Variants in EXOC3L4 observed in about 807,000 individuals in gnomAD.
EXOC3L4 encodes the protein exocyst complex component 3-like protein 4.
EXOC3L4 carries 62 observed loss-of-function variants against 69.7 expected under a neutral mutation model. The observed-to-expected ratio is 0.89, with a 90% CI of 0.72 to 1.10. EXOC3L4 has a LOEUF of 1.10. EXOC3L4 is among the 50% of genes least tolerant of loss of function. The pLI, the probability that EXOC3L4 is intolerant of heterozygous loss-of-function variation, is 0.00. For missense variants in EXOC3L4, 1,087 were observed against 1,034.8 expected (o/e 1.05, Z -0.69); for synonymous variants, 502 against 464.2 (o/e 1.08, Z -1.05).
Position 103,107,761 on chromosome 14 carries a change from TCAGCGAC to T in EXOC3L4, c.1833_1839del (p.Ser612ProfsTer75). On this transcript the variant is annotated frameshift_variant, in exon 10 of 12. Transcript: ENST00000688303. LOFTEE classifies it high-confidence loss of function. Reference sequence around the variant, plus strand: ...AAGATGAGCCTGGATGCCCAGGCCATCAGCGACACCTTCCAGGGCCTGGTAGGGGCGG... The same window carrying T: ...AAGATGAGCCTGGATGCCCAGGCCATACCTTCCAGGGCCTGGTAGGGGCGG... 6.5e-7 allele frequency: 1 copy of T among 1,535,258 alleles called. No individual in the cohort carries two copies. The highest frequency in any genetic ancestry group is 8.8e-7 in the Non-Finnish European group (1 of 1,135,634).
At position 103,097,802 on chromosome 14, in the gene EXOC3L4, C is replaced by T. The variant is rs1311720389; in HGVS notation, c.-16-2402C>T. 2.0e-5 allele frequency among the ~76,000 whole-genome samples: 3 copies of T among 152,108 alleles called. No individual in the cohort carries two copies. The highest frequency in any genetic ancestry group is 2.9e-5 in the Non-Finnish European group (2 of 68,022). On this transcript the variant is annotated intron_variant, in intron 1 of 11. Transcript: ENST00000688303. The surrounding 1 kb of genome is among the most constrained non-coding windows in gnomAD (Gnocchi z 4.9). ...GGAAAGGGAATGGCCGGAGGGGAAGCTGGAGGCTGGGCGTGCAGCCGGGAG... is the reference window on the plus strand; with the variant it reads ...GGAAAGGGAATGGCCGGAGGGGAAGTTGGAGGCTGGGCGTGCAGCCGGGAG...
At chr14:103,103,795 CGCGT>C (rs912537904) in intron 3 of EXOC3L4, 142 bp from the exon 4 acceptor site, 63 of 442,186 alleles carry the variant, frequency 1.4e-4, no homozygotes, top group African/African-American at 8.1e-4. Flanking sequence ...GAGGCGCGCG[CGCGT>C]GTGTGTGTGT....
At chr14:103,099,508 A>G (rs1451266585) in intron 1 of EXOC3L4, among the ~76,000 whole-genome samples, 1 of 152,182 alleles carries the variant, frequency 6.6e-6, no homozygotes, top group Non-Finnish European at 1.5e-5. Context: ...GAACCCCCCC[A>G]GTCCCTGGTT....
At chr14:103,108,335 C>A in intron 10 of EXOC3L4, 61 bp from the exon 11 acceptor site, 1 of 1,590,964 alleles carries the variant, frequency 6.3e-7, no homozygotes. Flanking sequence ...CGCGCTCTTG[C>A]AGGAGTTGGA....
chr14:103,101,834 T>TGGAAGGTGGGTGTGGGATCCAGGC (rs1890202110), intron 2 of EXOC3L4, among the ~76,000 whole-genome samples: 1 of 151,430 alleles, frequency 6.6e-6, no homozygotes, highest in Non-Finnish European at 1.5e-5. Flanking sequence ...CAGCCGGGAG[T>TGGAAGGTGGGTGTGGGATCCAGGC]GGAAGGTGGG....
chr14:103,096,401 C>CTTTTTTTTTTTTTTTTTTTTTTTTTT (rs56362121), intron 1 of EXOC3L4, among the ~76,000 whole-genome samples: 2 of 131,912 alleles, frequency 1.5e-5, no homozygotes, highest in African/African-American at 2.8e-5. Context: ...TGGCAAGATT[C>CTTTTTTTTTTTTTTTTTTTTTTTTTT]TTTTTTTTTT....
rs542321796 is a variant in EXOC3L4 at position 103,107,760 on chromosome 14, A to G, written c.1831A>G (p.Ile611Val). The G allele has an allele frequency of 2.4e-4, 369 of 1,536,312 alleles. 3 individuals carry two copies. The South Asian group carries it at 4.1e-3, about 17-fold the overall frequency. The change falls in exon 10 of 12, where the codon ATC becomes GTC. Residue 611 changes from isoleucine (I) to valine (V), a missense_variant. Physicochemically the swap from Ile to Val is conservative, Grantham distance 29. Transcript: ENST00000688303. The stretch of plus-strand genomic sequence containing the variant: ...GAAGATGAGCCTGGATGCCCAGGCC[A>G]TCAGCGACACCTTCCAGGGCCTGGT... ...SQKMSLDAQA[I>V]SDTFQGLGSE...
At chr14:103,101,401 C>A (rs974804984) in intron 2 of EXOC3L4, among the ~76,000 whole-genome samples, 1 of 152,162 alleles carries the variant, frequency 6.6e-6, no homozygotes. Context: ...TGGGAGCCCC[C>A]CCATTGGGCA....
At position 103,104,017 on chromosome 14, in the gene EXOC3L4, GC is replaced by G. The variant is rs1185455311; in HGVS notation, c.1129del (p.Arg377AspfsTer58). ...LPPLLAPDVW[A>X]RLESDYTSFL... ...TCCGCTCCTGGCGCCGGACGTGTGG[GC>G]CCGACTGGAGAGCGACTACACCAGC... On this transcript the variant is annotated frameshift_variant, in exon 4 of 12. Transcript: ENST00000688303. LOFTEE classifies it high-confidence loss of function. 3.9e-5 allele frequency: 62 copies of G among 1,577,638 alleles called. No individual in the cohort carries two copies. The highest frequency in any genetic ancestry group is 4.6e-5 in the Non-Finnish European group (54 of 1,166,890).
rs1454094998 is a variant in EXOC3L4 at position 103,110,507 on chromosome 14, A to G, written c.*284A>G. Reference sequence around the variant, plus strand: ...GCCCGACTGTCCAGCTTCACCCTCCAGTCTGAAAGTGAAGAGCAGAGTATT... The same window carrying G: ...GCCCGACTGTCCAGCTTCACCCTCCGGTCTGAAAGTGAAGAGCAGAGTATT... On this transcript the variant is annotated 3_prime_UTR_variant, in exon 12 of 12. Transcript: ENST00000688303. 1.8e-6 allele frequency: 1 copy of G among 566,930 alleles called. No individual in the cohort carries two copies. Among genetic ancestry groups the G allele is most frequent in the East Asian group, 3.6e-5 (1 of 28,124 alleles). The allele number at this position is 566,930 out of a possible 1,614,324, so 35.1% of individuals were successfully genotyped here. A position where few individuals can be genotyped will look rare whatever the true frequency, so the allele number is the denominator to read the frequency against.
At chr14:103,107,845 A>G in intron 10 of EXOC3L4, 62 bp downstream of exon 10, 1 of 1,457,020 alleles carries the variant, frequency 6.9e-7, no homozygotes, top group Non-Finnish European at 9.1e-7. Flanking sequence ...GGCAGTGACT[A>G]GGGCCTTAGC....
At position 103,100,302 on chromosome 14, in the gene EXOC3L4, G is replaced by A. The variant is rs1387677192; in HGVS notation, c.83G>A (p.Gly28Asp). 1 of 1,582,754 alleles carries A rather than the reference G, an allele frequency of 6.3e-7. No individual in the cohort carries two copies. The highest frequency in any genetic ancestry group is 8.6e-7 in the Non-Finnish European group (1 of 1,163,556). Residue 28 changes from glycine to aspartate, a missense_variant, in exon 2 of 12, where the codon GGC becomes GAC. Gly to Asp is a moderately conservative substitution (Grantham distance 94). Coordinates refer to ENST00000688303, the MANE Select transcript of EXOC3L4 (RefSeq NM_001077594.2). Reference protein sequence around the residue: ...EAEEPQTPAQGSRRTSSRKEP... With the variant: ...EAEEPQTPAQDSRRTSSRKEP... ...GAGGAGCCACAGACTCCAGCTCAGG[G>A]CTCCCGGCGAACAAGCAGCAGGAAA...
chr14:103,095,786 T>C (rs559288698), intron 1 of EXOC3L4, among the ~76,000 whole-genome samples: 5 of 152,238 alleles, frequency 3.3e-5, no homozygotes, highest in Non-Finnish European at 7.3e-5. Context: ...ACATAATCAA[T>C]GCACAAAATT....
At chr14:103,100,829 G>C (rs1890147393) in intron 2 of EXOC3L4, among the ~76,000 whole-genome samples, 1 of 151,868 alleles carries the variant, frequency 6.6e-6, no homozygotes, top group Admixed American at 6.6e-5. Context: ...TTGGCCTCCT[G>C]GGCTCAAGCG....
intron 1 of EXOC3L4, among the ~76,000 whole-genome samples, chr14:103,099,708 G>T (rs1566945334): frequency 6.6e-6 from 1 of 152,186 alleles, no homozygotes; most frequent in Non-Finnish European, 1.5e-5. Context: ...CAGGCCTTTT[G>T]GGCTGAAGGC....
chr14:103,107,720 C>T lies in EXOC3L4; in HGVS notation c.1791C>T (p.Arg597=). Residue 597 remains arginine, a synonymous_variant, in exon 10 of 12, where the codon CGC becomes CGT. Coordinates refer to ENST00000688303, the MANE Select transcript of EXOC3L4 (RefSeq NM_001077594.2). ...GGGAGCGGTTCCGGGGCATGGAGCG[C>T]ATGCATGGCTCCCAGAAGATGAGCC... ...RPRERFRGME[R]MHGSQKMSLD... The T allele has an allele frequency of 6.4e-7, 1 of 1,551,262 alleles. No individual in the cohort carries two copies. Among genetic ancestry groups the T allele is most frequent in the South Asian group, 1.2e-5 (1 of 84,428 alleles).
In EXOC3L4 at chr14:103,102,527, G is replaced by C. The variant is rs1890259304; in HGVS notation, c.804G>C (p.Glu268Asp). 7.1e-7 allele frequency: 1 copy of C among 1,402,180 alleles called. No homozygotes were observed. Among genetic ancestry groups the C allele is most frequent in the Non-Finnish European group, 9.2e-7 (1 of 1,082,466 alleles). 86.9% of individuals were successfully genotyped at this position (1,402,180 alleles called of 1,614,324 possible). ...CGGGCGCGGGGTGGGCCTTCGGGGAGGCGGAGGGCGCGTCGGGTTTGGCCC... is the reference window on the plus strand; with the variant it reads ...CGGGCGCGGGGTGGGCCTTCGGGGACGCGGAGGGCGCGTCGGGTTTGGCCC... ...RRPGAGWAFG[E>D]AEGASGLAQL... Residue 268 changes from glutamate to aspartate, a missense_variant, in exon 3 of 12, where the codon GAG becomes GAC. Coordinates refer to ENST00000688303, the MANE Select transcript of EXOC3L4 (RefSeq NM_001077594.2).
chr14:103,104,655 G>C (rs1595248020), intron 5 of EXOC3L4, 83 bp from the exon 6 acceptor site: 5 of 768,946 alleles, frequency 6.5e-6, no homozygotes, highest in Non-Finnish European at 7.0e-6. Context: ...GGGCGGGCTG[G>C]AGGCGCAGCG....
intron 9 of EXOC3L4, 35 bp from the exon 10 acceptor site, chr14:103,107,596 G>C (rs757738632): frequency 1.3e-6 from 2 of 1,598,328 alleles, no homozygotes; most frequent in Non-Finnish European, 1.7e-6. Flanking sequence ...TGGGGCTGTT[G>C]ACCCTGACCC....
Sources: allele counts gnomAD v4.1 joint callset (sites outside exome capture counted in the v4.1 genomes callset), GRCh38; gene constraint gnomAD v4.1.1; non-coding constraint Gnocchi (gnomAD v3.1); transcripts MANE v1.5; gene names NCBI Gene and HGNC (gene_info 2026-07-23, HGNC 2026-07-21).